TRABD2B: variants seen among roughly 807,000 people sequenced by gnomAD.
TRABD2B encodes the protein TraB domain containing 2B.
In TRABD2B, 14 loss-of-function variants were observed where a neutral mutation model predicts 40.1. The observed-to-expected ratio is 0.35, with a 90% confidence interval of 0.23 to 0.55. The LOEUF is 0.55. TRABD2B is among the 20% of genes least tolerant of loss of function. The probability of loss-of-function intolerance (pLI) is 0.90; values close to 1 mark genes in which losing one functional copy is unlikely to be tolerated. For missense variants in TRABD2B, 541 were observed against 648.6 expected (o/e 0.83, Z 1.80); for synonymous variants, 263 against 277.0 (o/e 0.95, Z 0.50).
At chr1:47,847,710 T>A (rs1645491064) in intron 2 of TRABD2B, among the ~76,000 whole-genome samples, 1 of 152,196 alleles carries the variant, frequency 6.6e-6, no homozygotes, top group African/African-American at 2.4e-5. Context: ...TCAACTAGGT[T>A]GTGCACAGCC....
chr1:47,761,050 C>T lies in TRABD2B; in HGVS notation c.*4852G>A, dbSNP rs1644238700. On this transcript the variant is annotated 3_prime_UTR_variant, in exon 7 of 7. Transcript: ENST00000606738. ...TGTGGGTCCTGGGAAGAAAGCCAAG[C>T]ACCTCATCTCCATGGAGGCCCAAGA... 2 of 152,312 alleles carry T rather than the reference C, an allele frequency of 1.3e-5. No homozygotes were observed. The highest frequency in any genetic ancestry group is 4.8e-5 in the African/African-American group (2 of 41,460). The allele number at this position is 152,312 out of a possible 1,614,324, so 9.4% of individuals were successfully genotyped here.
chr1:47,863,686 G>A (rs191678768), intron 2 of TRABD2B, among the ~76,000 whole-genome samples: 1 of 152,166 alleles, frequency 6.6e-6, no homozygotes, highest in African/African-American at 2.4e-5. Context: ...TTTGGAAGAT[G>A]GTTAGGTCTT....
Position 47,962,731 on chromosome 1 carries a change from AACCCAAGC to A in TRABD2B, c.666+31295_666+31302del, listed in dbSNP as rs369459515. The stretch of plus-strand genomic sequence containing the variant: ...TACAAAGTGGTGAAGTTAGCACACA[AACCCAAGC>A]AATTCAGCTGCAGAGTGTATGCTCT... On this transcript the variant is annotated intron_variant, in intron 2 of 6. Transcript: ENST00000606738. Among the ~76,000 whole-genome samples, 14 of 152,306 alleles carry A rather than the reference AACCCAAGC, an allele frequency of 9.2e-5. No individual in the cohort carries two copies. The East Asian group carries it at 2.7e-3, about 29-fold the overall frequency.
intron 2 of TRABD2B, among the ~76,000 whole-genome samples, chr1:47,937,058 TATC>T (rs1285108178): frequency 1.5e-4 from 12 of 80,824 alleles, no homozygotes; most frequent in East Asian, 4.5e-4. Flanking sequence ...CCACCATCAT[TATC>T]ATCATTATCA....
intron 2 of TRABD2B, among the ~76,000 whole-genome samples, chr1:47,961,262 G>A (rs1000655663): frequency 5.3e-5 from 8 of 152,142 alleles, no homozygotes; most frequent in African/African-American, 1.9e-4. Context: ...AAAAACCCTA[G>A]AAGAAAACCT....
At chr1:47,928,676 A>C (rs1645000793) in intron 2 of TRABD2B, among the ~76,000 whole-genome samples, 1 of 152,246 alleles carries the variant, frequency 6.6e-6, no homozygotes, top group African/African-American at 2.4e-5. Context: ...CCTCTAGCAA[A>C]AAGTCAATCT....
At chr1:47,817,851 G>GGCCTGGGAGGTCAGCAA (rs1012668124) in intron 2 of TRABD2B, among the ~76,000 whole-genome samples, 2 of 152,240 alleles carry the variant, frequency 1.3e-5, no homozygotes, top group Non-Finnish European at 2.9e-5. Context: ...CCCAGGAGCA[G>GGCCTGGGAGGTCAGCAA]GCCTGGGAGG....
chr1:47,915,358 G>A (rs979879073), intron 2 of TRABD2B, among the ~76,000 whole-genome samples: 1 of 152,146 alleles, frequency 6.6e-6, no homozygotes, highest in African/African-American at 2.4e-5. Context: ...AGTTCACGCA[G>A]TCTTTCAGCG....
chr1:47,937,310 G>GATCATCACCATCACCACCACCATCATC (rs1645124760), intron 2 of TRABD2B, among the ~76,000 whole-genome samples: 1 of 119,250 alleles, frequency 8.4e-6, no homozygotes, highest in South Asian at 2.8e-4. Context: ...CCACCATCAT[G>GATCATCACCATCACCACCACCATCATC]ATCATCACCA....
chr1:47,785,020 G>A (rs1445207145), intron 4 of TRABD2B, among the ~76,000 whole-genome samples: 1 of 152,214 alleles, frequency 6.6e-6, no homozygotes, highest in Non-Finnish European at 1.5e-5. Context: ...AGATGAGTGA[G>A]GAGTGAGAGG....
intron 2 of TRABD2B, among the ~76,000 whole-genome samples, chr1:47,969,470 G>A (rs17460291): frequency 3.9e-5 from 6 of 152,182 alleles, no homozygotes; most frequent in Non-Finnish European, 7.3e-5. Flanking sequence ...AGCCAGCATA[G>A]GGCAGTTTGA....
intron 2 of TRABD2B, among the ~76,000 whole-genome samples, chr1:47,985,069 TAATC>T: frequency 1.3e-5 from 2 of 152,338 alleles, no homozygotes; most frequent in East Asian, 3.9e-4. Context: ...TGCTTTACAT[TAATC>T]AATTAATCCT....
chr1:47,776,578 G>A (rs1245560958), intron 5 of TRABD2B, among the ~76,000 whole-genome samples: 1 of 152,134 alleles, frequency 6.6e-6, no homozygotes, highest in African/African-American at 2.4e-5. Context: ...TTAGCCCAAG[G>A]GCACCCTCTG....
chr1:47,779,557 C>G (rs1164561413), intron 4 of TRABD2B, among the ~76,000 whole-genome samples: 1 of 152,214 alleles, frequency 6.6e-6, no homozygotes, highest in Non-Finnish European at 1.5e-5. Context: ...GGGAGCCTCT[C>G]CTGGGCTCTG....
At chr1:47,992,466 G>A (rs1479993903) in intron 2 of TRABD2B, among the ~76,000 whole-genome samples, 4 of 152,194 alleles carry the variant, frequency 2.6e-5, no homozygotes, top group Non-Finnish European at 5.9e-5. Context: ...GCTCCCTTCA[G>A]CCTTTGTCGG....
At chr1:47,918,242 T>C (rs910982861) in intron 2 of TRABD2B, among the ~76,000 whole-genome samples, 2 of 152,338 alleles carry the variant, frequency 1.3e-5, no homozygotes, top group Admixed American at 1.3e-4. Flanking sequence ...ATGCTTTATG[T>C]GTCTGCATAG....
intron 2 of TRABD2B, among the ~76,000 whole-genome samples, chr1:47,961,805 A>G (rs1266399053): frequency 1.3e-5 from 2 of 152,236 alleles, no homozygotes; most frequent in Admixed American, 1.3e-4. Flanking sequence ...GACAGTGTGG[A>G]GACTCCTCAA....
intron 2 of TRABD2B, among the ~76,000 whole-genome samples, chr1:47,966,016 T>C (rs941696791): frequency 6.6e-6 from 1 of 152,144 alleles, no homozygotes; most frequent in African/African-American, 2.4e-5. Flanking sequence ...ATCACAGCCA[T>C]ATGAAGCCAT....
At chr1:47,929,538 G>T (rs1439337774) in intron 2 of TRABD2B, among the ~76,000 whole-genome samples, 3 of 152,190 alleles carry the variant, frequency 2.0e-5, no homozygotes, top group African/African-American at 7.2e-5. Flanking sequence ...GCATAAAAGT[G>T]TCATCTCCCT....
Sources: gnomAD v4.1 joint callset for allele counts (sites outside exome capture counted in the v4.1 genomes callset) on GRCh38, gnomAD v4.1.1 for gene constraint, MANE v1.5 for transcripts, NCBI Gene and HGNC (gene_info 2026-07-23, HGNC 2026-07-21) for gene names.